PPFIBP2: variants seen among roughly 807,000 people sequenced by gnomAD.
PPFIBP2 encodes liprin-beta-2.
A neutral mutation model predicts 118.3 loss-of-function variants in PPFIBP2; 118 were observed. The observed-to-expected ratio is 1.00, with a 90% CI of 0.86 to 1.16. The LOEUF is 1.16. Among genes scored for constraint, PPFIBP2 ranks in the 50% most tolerant of loss-of-function variants. The probability of loss-of-function intolerance (pLI) is 0.00; values close to 1 mark genes in which losing one functional copy is unlikely to be tolerated. For synonymous variants in PPFIBP2, 414 were observed against 397.4 expected (o/e 1.04, Z -0.50); for missense variants, 1,195 against 1,073.1 (o/e 1.11, Z -1.59).
At chr11:7,648,998 A>T in intron 19 of PPFIBP2, 87 bp downstream of exon 19, 1 of 1,374,134 alleles carries the variant, frequency 7.3e-7, no homozygotes, top group Non-Finnish European at 1.0e-6. Flanking sequence ...TACCTCAAGG[A>T]CAGCTGTCTC....
chr11:7,639,709 C>G (rs148622460), intron 14 of PPFIBP2, 23 bp from the exon 15 acceptor site: 5 of 1,613,820 alleles, frequency 3.1e-6, no homozygotes, highest in Non-Finnish European at 4.2e-6. Flanking sequence ...CGGTATCTCT[C>G]TCTTTCTCTC....
downstream of PPFIBP2, among the ~76,000 whole-genome samples, chr11:7,656,165 T>G (rs1217667133): frequency 6.6e-6 from 1 of 152,178 alleles, no homozygotes. Flanking sequence ...AGACTAGAGC[T>G]GGCAGGAAAA....
intron 15 of PPFIBP2, chr11:7,641,007 C>T: frequency 1.9e-5 from 24 of 1,267,562 alleles, no homozygotes; most frequent in Non-Finnish European, 2.5e-5. Context: ...CTTCATGTGG[C>T]TTCTCTGCTT....
rs202142121 is a variant in PPFIBP2 at position 7,650,901 on chromosome 11, G to A, written c.2183G>A (p.Arg728Gln). Residue 728 changes from arginine (R) to glutamine (Q), a missense_variant, in exon 22 of 24, where the codon CGA (arginine) becomes CAA (glutamine). By Grantham distance (43) the Arg-to-Gln change is conservative (BLOSUM62 1). Coordinates refer to ENST00000299492, the MANE Select transcript of PPFIBP2 (RefSeq NM_003621.5). ...WSNHRVMEWL[R>Q]SVDLAEYAPN... ...AACCACAGGGTGATGGAGTGGTTACGATCTGTGGACCTGGCAGAGTATGCA... is the reference window on the plus strand; with the variant it reads ...AACCACAGGGTGATGGAGTGGTTACAATCTGTGGACCTGGCAGAGTATGCA... 9.0e-5 allele frequency: 146 copies of A among 1,614,106 alleles called. No homozygotes were observed. Among genetic ancestry groups the A allele is most frequent in the South Asian group, 2.9e-4 (26 of 91,072 alleles).
chr11:7,532,913 C>G (rs903795514), intron 1 of PPFIBP2, among the ~76,000 whole-genome samples: 3 of 152,228 alleles, frequency 2.0e-5, no homozygotes, highest in African/African-American at 7.2e-5. Flanking sequence ...TACCTCCAGC[C>G]TGCCAAATTC....
rs1210615866 is a variant in PPFIBP2, at chr11:7,642,416, G to A, written c.1636G>A (p.Gly546Arg). Residue 546 changes from glycine to arginine, a missense_variant, in exon 17 of 24, where the codon GGA (glycine) becomes AGA (arginine). By Grantham distance (125) the Gly-to-Arg change is moderately radical. Transcript: ENST00000299492. Reference sequence around the variant, plus strand: ...ACTCTCTAGGACCAGGGACTCCAAGGGACAGAAAAGGTAAGGCTTGACCCA... The same window carrying A: ...ACTCTCTAGGACCAGGGACTCCAAGAGACAGAAAAGGTAAGGCTTGACCCA... ...PRLSRTRDSK[G>R]QKSDANAPFA... 6.2e-6 allele frequency: 10 copies of A among 1,613,034 alleles called. No individual in the cohort carries two copies. Among genetic ancestry groups the A allele is most frequent in the Non-Finnish European group, 8.5e-6 (10 of 1,179,422 alleles).
At chr11:7,649,449 C>T in intron 20 of PPFIBP2, 83 bp from the exon 21 acceptor site, 1 of 1,560,018 alleles carries the variant, frequency 6.4e-7, no homozygotes, top group South Asian at 1.2e-5. Flanking sequence ...GTTGACTTGT[C>T]TATGCTTGGT....
intron 2 of PPFIBP2, among the ~76,000 whole-genome samples, chr11:7,558,450 C>A (rs535623947): frequency 6.6e-6 from 1 of 152,178 alleles, no homozygotes; most frequent in East Asian, 1.9e-4. Context: ...TATGTGCTTT[C>A]GAAAGCGATC....
chr11:7,653,718 C>A lies in PPFIBP2; in HGVS notation c.*500C>A, dbSNP rs1308876931. ...TGTTGTGCCTTACTTCAGAGGTGGTCTCTTCTTTCTTGTAATAAAAGCAAT... is the reference window on the plus strand; with the variant it reads ...TGTTGTGCCTTACTTCAGAGGTGGTATCTTCTTTCTTGTAATAAAAGCAAT... On this transcript the variant is annotated 3_prime_UTR_variant, in exon 24 of 24. Transcript: ENST00000299492. 1.3e-5 allele frequency: 16 copies of A among 1,238,676 alleles called. No homozygotes were observed. The highest frequency in any genetic ancestry group is 1.4e-5 in the Non-Finnish European group (14 of 966,108). The allele number at this position is 1,238,676 out of a possible 1,614,324, so 76.7% of individuals were successfully genotyped here. A position where few individuals can be genotyped will look rare whatever the true frequency, so the allele number is the denominator to read the frequency against.
chr11:7,640,006 C>A, intron 15 of PPFIBP2, 136 bp downstream of exon 15: 1 of 1,243,814 alleles, frequency 8.0e-7, no homozygotes, highest in Non-Finnish European at 1.0e-6. Context: ...ACAAGTTGTA[C>A]CTTGGGGTGG....
rs112991300 is a variant in PPFIBP2, at chr11:7,543,328, A to G, written c.-36-6112A>G. 8.9e-3 allele frequency among the ~76,000 whole-genome samples: 1,357 copies of G among 152,352 alleles called. 19 individuals carry two copies. Among genetic ancestry groups the G allele is most frequent in the African/African-American group, 0.031 (1,285 of 41,590 alleles). On this transcript the variant is annotated intron_variant, in intron 1 of 23. Transcript: ENST00000299492. ...GGAAAAGACTCCAATTTCTTGTAATATAGTGACACTTCTTTATCATCTGTT... is the reference window on the plus strand; with the variant it reads ...GGAAAAGACTCCAATTTCTTGTAATGTAGTGACACTTCTTTATCATCTGTT...
At chr11:7,652,385 C>T (rs1378677857) in intron 23 of PPFIBP2, among the ~76,000 whole-genome samples, 3 of 152,260 alleles carry the variant, frequency 2.0e-5, no homozygotes, top group African/African-American at 7.2e-5. Context: ...TTTAGACCTG[C>T]CTGAGCCACA....
chr11:7,593,103 G>T, intron 3 of PPFIBP2, 29 bp from the exon 4 acceptor site: 1 of 1,605,502 alleles, frequency 6.2e-7, no homozygotes, highest in South Asian at 1.1e-5. Flanking sequence ...AACCTTTTAA[G>T]TGTATTCTTT....
At chr11:7,517,058 C>T (rs981851766) in intron 1 of PPFIBP2, among the ~76,000 whole-genome samples, 3 of 152,128 alleles carry the variant, frequency 2.0e-5, no homozygotes, top group Non-Finnish European at 2.9e-5. Flanking sequence ...TCCATCGTGT[C>T]GTTGTAGCAG....
At chr11:7,597,728 G>C (rs1006492747) in intron 5 of PPFIBP2, 55 bp downstream of exon 5, 3 of 1,389,734 alleles carry the variant, frequency 2.2e-6, no homozygotes, top group Non-Finnish European at 3.0e-6. Flanking sequence ...ATGTGCTGAA[G>C]CCCCTTTGTG....
At chr11:7,532,473 C>T (rs987966937) in intron 1 of PPFIBP2, among the ~76,000 whole-genome samples, 6 of 152,200 alleles carry the variant, frequency 3.9e-5, no homozygotes, top group Non-Finnish European at 8.8e-5. Flanking sequence ...ATCCTGCCAA[C>T]CTTGGGACCA....
At chr11:7,545,883 C>T (rs1399523607) in intron 1 of PPFIBP2, among the ~76,000 whole-genome samples, 1 of 152,202 alleles carries the variant, frequency 6.6e-6, no homozygotes, top group Non-Finnish European at 1.5e-5. Flanking sequence ...ACTCCCAATC[C>T]TCCCGACTCC....
At chr11:7,538,126 G>C (rs1851392888) in intron 1 of PPFIBP2, among the ~76,000 whole-genome samples, 1 of 152,204 alleles carries the variant, frequency 6.6e-6, no homozygotes, top group Admixed American at 6.5e-5. Context: ...AAGCCCAGAA[G>C]GTCAGATGTG....
chr11:7,537,366 A>G (rs907874311), intron 1 of PPFIBP2, among the ~76,000 whole-genome samples: 9 of 152,230 alleles, frequency 5.9e-5, no homozygotes, highest in Non-Finnish European at 1.2e-4. Context: ...GCAGCTTCTC[A>G]AAGGAGACAG....
Sources: allele counts gnomAD v4.1 joint callset (sites outside exome capture counted in the v4.1 genomes callset), GRCh38; gene constraint gnomAD v4.1.1; transcripts MANE v1.5; gene names NCBI Gene and HGNC (gene_info 2026-07-23, HGNC 2026-07-21).